The following CDH8 variants were observed in gnomAD, a reference collection of about 807,000 sequenced individuals.
CDH8 encodes the protein cadherin-8.
CDH8 carries 17 observed loss-of-function variants against 68.1 expected under a neutral mutation model. The ratio of observed to expected loss-of-function variants is 0.25; its 90% CI spans 0.17 to 0.37. CDH8 has a LOEUF of 0.37. Ranked by LOEUF, CDH8 falls within the 10% of genes least tolerant of loss-of-function variation. The pLI, the probability that CDH8 is intolerant of heterozygous loss-of-function variation, is 1.00. For missense variants in CDH8, 763 were observed against 999.3 expected, an observed-to-expected ratio of 0.76 and a Z score of 3.19; for synonymous variants, 372 against 365.1, an observed-to-expected ratio of 1.02 and a Z score of -0.21.
At chr16:61,817,431 T>G (rs375943951) in intron 7 of CDH8, 48 bp downstream of exon 7, 449 of 1,599,834 alleles carry the variant, frequency 2.8e-4, no homozygotes, top group Admixed American at 1.3e-3. Flanking sequence ...TTTTCACTGA[T>G]CTGCTTGTCA....
In CDH8 at chr16:61,833,155, T is replaced by C. The variant is rs553801916; in HGVS notation, c.668-7976A>G. Among the ~76,000 whole-genome samples the C allele has an allele frequency of 9.2e-5, 14 of 151,738 alleles. No homozygotes were observed. In the South Asian group the frequency reaches 2.9e-3, roughly 31 times the overall value. ...ACTCAGTATTATTGTTCGGTATTAT[T>C]ACATGATAAGTAAAAAGGCAAATGT... On this transcript the variant is annotated intron_variant, in intron 4 of 11. Transcript: ENST00000577390.
intron 9 of CDH8, among the ~76,000 whole-genome samples, chr16:61,719,274 T>C (rs940751170): frequency 2.0e-5 from 3 of 151,162 alleles, no homozygotes; most frequent in African/African-American, 7.3e-5. Flanking sequence ...CTAAATGAAG[T>C]CTTCAGTCCT....
At chr16:61,886,417 C>T (rs149691475) in intron 3 of CDH8, among the ~76,000 whole-genome samples, 97 of 152,312 alleles carry the variant, frequency 6.4e-4, no homozygotes, top group East Asian at 1.2e-3. Flanking sequence ...TTTTGAATCC[C>T]CCTGGTCACT....
intron 2 of CDH8, among the ~76,000 whole-genome samples, chr16:61,933,452 A>G (rs949772215): frequency 3.0e-4 from 45 of 152,230 alleles, no homozygotes; most frequent in Admixed American, 1.4e-3. Context: ...CCAGACATGT[A>G]TTTTTGAAAA....
intron 2 of CDH8, among the ~76,000 whole-genome samples, chr16:62,011,367 C>A (rs1474162287): frequency 6.6e-6 from 1 of 152,184 alleles, no homozygotes; most frequent in East Asian, 1.9e-4. Context: ...TTGCTTTTCA[C>A]CATCACCTGC....
intron 8 of CDH8, among the ~76,000 whole-genome samples, chr16:61,742,755 T>C (rs1959911008): frequency 6.6e-6 from 1 of 152,192 alleles, no homozygotes; most frequent in Admixed American, 6.5e-5. Context: ...AGCAGGCTGT[T>C]AATTCTCCTA....
chr16:61,924,774 T>C (rs886105589), intron 2 of CDH8, among the ~76,000 whole-genome samples: 1 of 152,176 alleles, frequency 6.6e-6, no homozygotes, highest in Admixed American at 6.6e-5. Context: ...CTTCTATTTT[T>C]GGCCTCTCCT....
chr16:61,971,853 A>G (rs975889866), intron 2 of CDH8, among the ~76,000 whole-genome samples: 2 of 152,236 alleles, frequency 1.3e-5, no homozygotes, highest in African/African-American at 2.4e-5. Flanking sequence ...GGAAATGAGG[A>G]TGAAGATCAA....
At chr16:61,682,073 T>G (rs531634488) in intron 10 of CDH8, among the ~76,000 whole-genome samples, 3 of 151,926 alleles carry the variant, frequency 2.0e-5, no homozygotes, top group African/African-American at 7.2e-5. Context: ...GATCCTGCTG[T>G]TCAACTTACT....
chr16:61,692,412 T>C (rs984872284), intron 10 of CDH8: 1 of 152,170 alleles, frequency 6.6e-6, no homozygotes, highest in East Asian at 1.9e-4. Flanking sequence ...AATTTCCCTC[T>C]TCAGGGAGTA....
At chr16:61,714,102 G>C (rs550877027) in intron 9 of CDH8, 144 bp from the exon 10 acceptor site, 79 of 674,410 alleles carry the variant, frequency 1.2e-4, no homozygotes, top group Non-Finnish European at 1.5e-4. Context: ...TGGATGGTTT[G>C]TGCCAAGAAT....
At position 61,958,821 on chromosome 16, in the gene CDH8, C is replaced by A. The variant is rs560829964; in HGVS notation, c.253-57348G>T. ...TCTACTAAGAGTAGTATTTCAGAGA[C>A]AATTTCCTTCTCTACTCAAGAGTAT... On this transcript the variant is annotated intron_variant, in intron 2 of 11. Coordinates refer to ENST00000577390, the MANE Select transcript of CDH8 (RefSeq NM_001796.5). Among the ~76,000 whole-genome samples the A allele has an allele frequency of 5.9e-5, 9 of 152,232 alleles. No homozygotes were observed. The South Asian group carries it at 1.9e-3, about 32-fold the overall frequency.
intron 10 of CDH8, among the ~76,000 whole-genome samples, chr16:61,665,761 TTCCTTCCTTCC>T (rs1963657918): frequency 1.5e-5 from 1 of 65,246 alleles, no homozygotes; most frequent in Admixed American, 1.6e-4. Flanking sequence ...TTTTCCTTCC[TTCCTTCCTTCC>T]TTCCTTCCTT....
At chr16:61,966,530 C>G (rs958314172) in intron 2 of CDH8, among the ~76,000 whole-genome samples, 1 of 151,324 alleles carries the variant, frequency 6.6e-6, no homozygotes, top group African/African-American at 2.4e-5. Flanking sequence ...GAGCAAGACT[C>G]CATCTCAAAA....
chr16:61,922,561 T>A (rs564837434), intron 2 of CDH8, among the ~76,000 whole-genome samples: 1 of 152,346 alleles, frequency 6.6e-6, no homozygotes, highest in South Asian at 2.1e-4. Flanking sequence ...ATTTTATGTA[T>A]AATTTGTATA....
chr16:61,955,720 G>A (rs934826711), intron 2 of CDH8, among the ~76,000 whole-genome samples: 7 of 152,104 alleles, frequency 4.6e-5, no homozygotes, highest in African/African-American at 1.7e-4. Flanking sequence ...CAGGAAGGAT[G>A]TTTCTGATAG....
intron 5 of CDH8, among the ~76,000 whole-genome samples, chr16:61,822,205 CTTTTTTTTTTTTTTTTTTTTTTTT>C (rs71707137): frequency 2.8e-3 from 130 of 45,646 alleles, no homozygotes; most frequent in East Asian, 8.9e-3. Context: ...AAAAACGCAC[CTTTTTTTTTTTTTTTTTTTTTTTT>C]TTTTTTTTTT....
At chr16:61,888,270 T>G (rs1384796481) in intron 3 of CDH8, among the ~76,000 whole-genome samples, 1 of 152,122 alleles carries the variant, frequency 6.6e-6, no homozygotes, top group East Asian at 1.9e-4. Context: ...GCATGGGAAT[T>G]TGAAGTATGA....
At position 61,768,372 on chromosome 16, in the gene CDH8, T is replaced by TC. The variant is rs1960676792; in HGVS notation, c.1414+20973_1414+20974insG. 3.6e-4 allele frequency among the ~76,000 whole-genome samples: 14 copies of TC among 38,942 alleles called. 1 individual carries two copies. Among genetic ancestry groups the TC allele is most frequent in the East Asian group, 1.0e-3 (1 of 972 alleles). The allele number at this position is 38,942 out of a possible 152,430, so 25.5% of individuals were successfully genotyped here. On this transcript the variant is annotated intron_variant, in intron 8 of 11. Transcript: ENST00000577390. ...TCTCTCTCTCTCTCTCTCTCTCCCT[T>TC]TCTCTCTCTCTCTCTCTCTCTCCCT...
Sources: allele counts gnomAD v4.1 joint callset (sites outside exome capture counted in the v4.1 genomes callset), GRCh38; gene constraint gnomAD v4.1.1; transcripts MANE v1.5; gene names NCBI Gene and HGNC (gene_info 2026-07-23, HGNC 2026-07-21).